The following DNAI3 variants were observed in gnomAD, a reference collection of about 807,000 sequenced individuals.
DNAI3 encodes the protein dynein axonemal intermediate chain 3, also known as WD repeat domain 63.
In DNAI3, 83 loss-of-function variants were observed where a neutral mutation model predicts 115.5. The ratio of observed to expected loss-of-function variants is 0.72; its 90% CI spans 0.60 to 0.86. The LOEUF is 0.86. Ranked by LOEUF, DNAI3 falls within the 40% of genes least tolerant of loss-of-function variation. DNAI3 has a pLI of 0.00. For missense variants in DNAI3, 1,004 were observed against 1,075.8 expected, an observed-to-expected ratio of 0.93 and a Z score of 0.93; for synonymous variants, 320 against 347.0, an observed-to-expected ratio of 0.92 and a Z score of 0.86.
chr1:85,116,729 T>C (rs1655830025), intron 16 of DNAI3, among the ~76,000 whole-genome samples: 1 of 152,212 alleles, frequency 6.6e-6, no homozygotes, highest in African/African-American at 2.4e-5. Context: ...CCAGTCATGT[T>C]TGAAATGTTG....
At chr1:85,108,498 T>G (rs1655557741) in intron 15 of DNAI3, among the ~76,000 whole-genome samples, 1 of 152,194 alleles carries the variant, frequency 6.6e-6, no homozygotes, top group Non-Finnish European at 1.5e-5. Context: ...TGGTTGCTGA[T>G]GTAGCTGATG....
chr1:85,066,400 G>A (rs1654099330), intron 1 of DNAI3, among the ~76,000 whole-genome samples: 1 of 128,770 alleles, frequency 7.8e-6, no homozygotes, highest in Non-Finnish European at 1.6e-5. Flanking sequence ...TCGGCTCACT[G>A]CAAGCTCCGT....
intron 19 of DNAI3, among the ~76,000 whole-genome samples, chr1:85,124,919 T>C (rs1372048553): frequency 6.6e-6 from 1 of 152,160 alleles, no homozygotes; most frequent in Non-Finnish European, 1.5e-5. Context: ...GTTTGTCATC[T>C]TTCCCTCTGC....
chr1:85,073,495 A>G (rs1654350953), intron 3 of DNAI3, among the ~76,000 whole-genome samples: 1 of 152,256 alleles, frequency 6.6e-6, no homozygotes, highest in Admixed American at 6.5e-5. Context: ...GCAAATAACT[A>G]GAACTTAGAC....
intron 13 of DNAI3, among the ~76,000 whole-genome samples, chr1:85,101,819 T>C (rs1050953967): frequency 8.2e-5 from 12 of 146,700 alleles, no homozygotes; most frequent in South Asian, 2.2e-4. Context: ...GGAATGAAGA[T>C]AGTTTTCAAA....
intron 1 of DNAI3, 140 bp downstream of exon 1, chr1:85,062,626 C>T (rs1653963057): frequency 6.6e-6 from 1 of 152,192 alleles, no homozygotes; most frequent in South Asian, 2.1e-4. Flanking sequence ...AAGTCTTTCC[C>T]TGCTTTCAAA....
intron 3 of DNAI3, among the ~76,000 whole-genome samples, chr1:85,074,953 T>C (rs1292826618): frequency 6.6e-6 from 1 of 152,240 alleles, no homozygotes; most frequent in East Asian, 1.9e-4. Context: ...CTTGCTCCTA[T>C]CTAAATAGAC....
At chr1:85,130,594 A>G (rs1656281779) in intron 22 of DNAI3, among the ~76,000 whole-genome samples, 1 of 152,158 alleles carries the variant, frequency 6.6e-6, no homozygotes, top group South Asian at 2.1e-4. Context: ...GCTGTCAGTT[A>G]AAGAAAGTGA....
chr1:85,117,681 A>T (rs1655872977), intron 16 of DNAI3, 48 bp from the exon 17 acceptor site: 1 of 1,596,624 alleles, frequency 6.3e-7, no homozygotes, highest in Non-Finnish European at 8.6e-7. Flanking sequence ...ATTTTAAAAG[A>T]TGTTTCCCTG....
At chr1:85,127,384 A>G (rs894191353) in intron 20 of DNAI3, among the ~76,000 whole-genome samples, 3 of 152,054 alleles carry the variant, frequency 2.0e-5, no homozygotes, top group African/African-American at 7.2e-5. Context: ...AGTAATTTCT[A>G]TGTAAATCCA....
At chr1:85,116,844 A>C (rs758034525) in intron 16 of DNAI3, among the ~76,000 whole-genome samples, 9 of 152,184 alleles carry the variant, frequency 5.9e-5, no homozygotes, top group Non-Finnish European at 1.3e-4. Context: ...ACGTCTCAAA[A>C]CATGTAGATC....
chr1:85,079,154 T>C (rs1654549744), intron 3 of DNAI3, among the ~76,000 whole-genome samples: 1 of 152,210 alleles, frequency 6.6e-6, no homozygotes, highest in Non-Finnish European at 1.5e-5. Flanking sequence ...TGTTACCCAT[T>C]CAACACTACA....
At chr1:85,099,459 GC>G (rs1383964277) in intron 13 of DNAI3, 1 of 162,234 alleles carries the variant, frequency 6.2e-6, no homozygotes, top group Non-Finnish European at 1.3e-5. Context: ...ACAAACCACT[GC>G]CCAATGAAAT....
rs1450138816 is a variant in DNAI3 at position 85,062,491 on chromosome 1, G to A, written c.-15+5G>A. On this transcript the variant is annotated splice_donor_5th_base_variant and intron_variant, in intron 1 of 22. Transcript: ENST00000294664. ...CTTTCAGATCAGCAGTATCAGGTAA[G>A]AGAAGCTCTGAATGGGAAAGGCGGC... The A allele has an allele frequency of 6.6e-6, 1 of 152,218 alleles. No individual in the cohort carries two copies. The highest frequency in any genetic ancestry group is 1.5e-5 in the Non-Finnish European group (1 of 68,046). The allele number at this position is 152,218 out of a possible 1,614,324, so 9.4% of individuals were successfully genotyped here.
chr1:85,105,076 C>T (rs144463642), intron 14 of DNAI3, among the ~76,000 whole-genome samples: 4 of 152,206 alleles, frequency 2.6e-5, no homozygotes, highest in Admixed American at 6.5e-5. Context: ...ACTAAGAATT[C>T]GTAATGAAAC....
At chr1:85,093,956 T>C (rs1655055521) in intron 9 of DNAI3, 2 of 528,030 alleles carry the variant, frequency 3.8e-6, no homozygotes, top group Admixed American at 2.3e-5. Context: ...GGCCTGTTGC[T>C]CTCCCAAGGC....
chr1:85,103,508 C>T (rs899881567), intron 13 of DNAI3, among the ~76,000 whole-genome samples: 2 of 152,100 alleles, frequency 1.3e-5, no homozygotes, highest in African/African-American at 4.8e-5. Flanking sequence ...CTGCACAATT[C>T]AGTGAAAAAC....
chr1:85,078,505 T>C (rs757186493), intron 3 of DNAI3, among the ~76,000 whole-genome samples: 15 of 152,176 alleles, frequency 9.9e-5, no homozygotes, highest in Non-Finnish European at 2.1e-4. Flanking sequence ...TGTTTTACAC[T>C]CCTTGGAGCA....
At chr1:85,065,215 C>T (rs1654058098) in intron 1 of DNAI3, among the ~76,000 whole-genome samples, 1 of 151,926 alleles carries the variant, frequency 6.6e-6, no homozygotes, top group African/African-American at 2.4e-5. Flanking sequence ...TGCTACAAGT[C>T]CTTTCATAAT....
Sources: gnomAD v4.1 joint callset for allele counts (sites outside exome capture counted in the v4.1 genomes callset) on GRCh38, gnomAD v4.1.1 for gene constraint, MANE v1.5 for transcripts, NCBI Gene and HGNC (gene_info 2026-07-23, HGNC 2026-07-21) for gene names.